Variants in FRMD5 observed in about 807,000 individuals in gnomAD.
The protein encoded by FRMD5 is FERM domain containing 5, also known as FERM domain-containing protein 5.
Under a neutral mutation model 69.0 loss-of-function variants are expected in FRMD5, and 20 were observed. That is an observed-to-expected ratio of 0.29 (90% CI 0.20 to 0.42). The LOEUF (loss-of-function observed/expected upper bound fraction) is 0.42. Ranked by LOEUF, FRMD5 falls within the 10% of genes least tolerant of loss-of-function variation. FRMD5 has a pLI of 1.00. For missense variants in FRMD5, 595 were observed against 708.6 expected (o/e 0.84, Z 1.82); for synonymous variants, 271 against 260.1 (o/e 1.04, Z -0.40).
chr15:44,038,044 T>C (rs1892002023), intron 1 of FRMD5, among the ~76,000 whole-genome samples: 1 of 152,256 alleles, frequency 6.6e-6, no homozygotes. Context: ...ATTTCTCTAA[T>C]GACCAGTGAT....
chr15:43,995,962 G>A (rs149159866), intron 1 of FRMD5, among the ~76,000 whole-genome samples: 1 of 151,914 alleles, frequency 6.6e-6, no homozygotes, highest in East Asian at 2.0e-4. Flanking sequence ...AGAGCTGCTG[G>A]AGTGTAGGGC....
chr15:44,199,264 T>G (rs916189583), upstream of FRMD5, among the ~76,000 whole-genome samples: 4 of 152,202 alleles, frequency 2.6e-5, no homozygotes, highest in African/African-American at 9.7e-5. Flanking sequence ...ATCTGAAGTG[T>G]AACTTGGACG....
rs1272191102 is a variant in FRMD5 at position 44,184,250 on chromosome 15, T to A, written c.102+10703A>T. ...TCCTGAAGCACCAGACCTGAAGACATAGTAGACACAGAGTCACATTGGGTC... is the reference window on the plus strand; with the variant it reads ...TCCTGAAGCACCAGACCTGAAGACAAAGTAGACACAGAGTCACATTGGGTC... On this transcript the variant is annotated intron_variant, in intron 1 of 13. Transcript: ENST00000417257. 2.0e-5 allele frequency among the ~76,000 whole-genome samples: 3 copies of A among 152,292 alleles called. No homozygotes were observed. The East Asian group carries it at 5.8e-4, about 29-fold the overall frequency.
intron 1 of FRMD5, among the ~76,000 whole-genome samples, chr15:44,010,897 G>A (rs965728362): frequency 6.6e-6 from 1 of 152,088 alleles, no homozygotes; most frequent in Admixed American, 6.6e-5. Context: ...ATGCTTCAGT[G>A]GGTACCTACT....
intron 1 of FRMD5, among the ~76,000 whole-genome samples, chr15:43,943,145 G>T (rs553968903): frequency 3.3e-4 from 51 of 152,284 alleles, no homozygotes; most frequent in African/African-American, 1.2e-3. Context: ...GGAGGCTGAG[G>T]AAGACAGAAT....
At chr15:43,928,225 T>C (rs552492951) in intron 1 of FRMD5, among the ~76,000 whole-genome samples, 1 of 152,326 alleles carries the variant, frequency 6.6e-6, no homozygotes, top group South Asian at 2.1e-4. Context: ...GTTAGATGCA[T>C]TGTTTTGAGC....
intron 5 of FRMD5, among the ~76,000 whole-genome samples, chr15:43,909,137 G>A (rs973851853): frequency 6.6e-6 from 1 of 152,078 alleles, no homozygotes; most frequent in African/African-American, 2.4e-5. Flanking sequence ...GCTCACACCT[G>A]TAATACCAGC....
At chr15:43,952,362 T>C (rs969041471) in intron 1 of FRMD5, among the ~76,000 whole-genome samples, 1 of 152,180 alleles carries the variant, frequency 6.6e-6, no homozygotes, top group African/African-American at 2.4e-5. Context: ...AACCCAATTG[T>C]TCTTTATACA....
chr15:43,892,145 G>C, intron 7 of FRMD5, 76 bp from the exon 8 acceptor site: 1 of 1,240,354 alleles, frequency 8.1e-7, no homozygotes, highest in Admixed American at 1.7e-5. Context: ...CTGTTCATAG[G>C]TGATGCAGGG....
chr15:43,886,513 A>G (rs1289795880), intron 10 of FRMD5, among the ~76,000 whole-genome samples: 1 of 152,178 alleles, frequency 6.6e-6, no homozygotes, highest in Non-Finnish European at 1.5e-5. Context: ...TAGCTCTCTC[A>G]GCTTGGGCAC....
intron 1 of FRMD5, among the ~76,000 whole-genome samples, chr15:44,063,280 C>A (rs150983480): frequency 5.0e-4 from 76 of 152,208 alleles, no homozygotes; most frequent in African/African-American, 1.5e-3. Context: ...TTATCTTTTT[C>A]TTCCTGGGTG....
At chr15:44,019,101 G>T (rs774800929) in intron 1 of FRMD5, among the ~76,000 whole-genome samples, 1 of 152,016 alleles carries the variant, frequency 6.6e-6, no homozygotes, top group Non-Finnish European at 1.5e-5. Context: ...TGCCATGTTA[G>T]CCAGACTGGT....
intron 1 of FRMD5, among the ~76,000 whole-genome samples, chr15:44,002,432 A>C (rs1890253293): frequency 6.6e-6 from 1 of 152,206 alleles, no homozygotes; most frequent in Non-Finnish European, 1.5e-5. Flanking sequence ...AGCTGCAGAC[A>C]AGAACCCCTC....
chr15:44,119,211 C>T (rs914387781), intron 1 of FRMD5, among the ~76,000 whole-genome samples: 1 of 152,162 alleles, frequency 6.6e-6, no homozygotes, highest in African/African-American at 2.4e-5. Flanking sequence ...CCTCCCACCT[C>T]GGCCTTCCAA....
intron 4 of FRMD5, among the ~76,000 whole-genome samples, chr15:43,912,096 T>G (rs539902825): frequency 6.6e-6 from 1 of 152,294 alleles, no homozygotes; most frequent in South Asian, 2.1e-4. Flanking sequence ...CACCTACACC[T>G]TTTAACAAGA....
intron 1 of FRMD5, among the ~76,000 whole-genome samples, chr15:44,023,726 T>C (rs1891311858): frequency 6.6e-6 from 1 of 152,202 alleles, no homozygotes; most frequent in South Asian, 2.1e-4. Flanking sequence ...TCTTCAGTAA[T>C]ATAAAATTTA....
intron 1 of FRMD5, among the ~76,000 whole-genome samples, chr15:44,144,510 A>C (rs1296371029): frequency 6.6e-6 from 1 of 152,162 alleles, no homozygotes; most frequent in Admixed American, 6.5e-5. Context: ...AGTTTAATCT[A>C]TAGAGGGTCT....
chr15:43,892,153 G>T (rs1320644493), intron 7 of FRMD5, 84 bp from the exon 8 acceptor site: 4 of 1,175,750 alleles, frequency 3.4e-6, no homozygotes, highest in Non-Finnish European at 5.1e-6. Context: ...AGGTGATGCA[G>T]GGTTAATACT....
At chr15:43,930,434 T>C (rs80104806) in intron 1 of FRMD5, among the ~76,000 whole-genome samples, 2,730 of 152,288 alleles carry the variant, frequency 0.018, 65 homozygotes, top group East Asian at 0.062. Flanking sequence ...GCCATCAGGC[T>C]GGGAAGAACA....
Sources: allele counts gnomAD v4.1 joint callset (sites outside exome capture counted in the v4.1 genomes callset), GRCh38; gene constraint gnomAD v4.1.1; transcripts MANE v1.5; gene names NCBI Gene and HGNC (gene_info 2026-07-23, HGNC 2026-07-21).